The following PLOD2 variants were observed in gnomAD, a reference collection of about 807,000 sequenced individuals.
PLOD2 encodes the protein lysine hydroxylase 2.
PLOD2 carries 65 observed loss-of-function variants against 101.0 expected under a neutral mutation model. The ratio of observed to expected loss-of-function variants is 0.64; its 90% CI spans 0.53 to 0.79. The LOEUF is 0.79. Ranked by LOEUF, PLOD2 falls within the 30% of genes least tolerant of loss-of-function variation. The pLI, the probability that PLOD2 is intolerant of heterozygous loss-of-function variation, is 0.00. For synonymous variants in PLOD2, 314 were observed against 302.9 expected (o/e 1.04, Z -0.38); for missense variants, 909 against 914.6 (o/e 0.99, Z 0.08).
chr3:146,128,880 CTTTTTTTTTTT>C (rs3975816), intron 1 of PLOD2, among the ~76,000 whole-genome samples: 3 of 73,180 alleles, frequency 4.1e-5, no homozygotes, highest in African/African-American at 5.4e-5. Context: ...ATCTGAAATC[CTTTTTTTTTTT>C]TTTTTTTTTT....
At chr3:146,079,403 T>C in intron 12 of PLOD2, 146 bp from the exon 13 acceptor site, 1 of 649,116 alleles carries the variant, frequency 1.5e-6, no homozygotes, top group Non-Finnish European at 2.7e-6. Context: ...CAATGATATA[T>C]ATATAAGATT....
chr3:146,114,370 C>G (rs1162212279), intron 3 of PLOD2, among the ~76,000 whole-genome samples: 1 of 152,042 alleles, frequency 6.6e-6, no homozygotes, highest in Non-Finnish European at 1.5e-5. Flanking sequence ...TCAGGTATTT[C>G]TTATAGCAGC....
At chr3:146,094,134 T>C (rs1450789363) in intron 7 of PLOD2, among the ~76,000 whole-genome samples, 2 of 152,200 alleles carry the variant, frequency 1.3e-5, no homozygotes, top group African/African-American at 4.8e-5. Context: ...TAGGTGATAG[T>C]ATTTTCCTGA....
chr3:146,117,843 G>A (rs1021378177), intron 3 of PLOD2, among the ~76,000 whole-genome samples: 1 of 151,908 alleles, frequency 6.6e-6, no homozygotes, highest in Non-Finnish European at 1.5e-5. Context: ...ACCTCAAGCA[G>A]GCTTTAGGTA....
At chr3:146,137,116 T>C (rs1402448956) in intron 1 of PLOD2, among the ~76,000 whole-genome samples, 1 of 152,170 alleles carries the variant, frequency 6.6e-6, no homozygotes, top group African/African-American at 2.4e-5. Flanking sequence ...CAACTATGAT[T>C]CCAAGATGAC....
chr3:146,082,960 G>A (rs1312354598), intron 11 of PLOD2, among the ~76,000 whole-genome samples: 7 of 152,066 alleles, frequency 4.6e-5, no homozygotes, highest in South Asian at 2.1e-4. Flanking sequence ...TTATTCTTCC[G>A]AATTCCTACT....
At chr3:146,093,327 A>G (rs1483241736) in intron 7 of PLOD2, among the ~76,000 whole-genome samples, 1 of 152,230 alleles carries the variant, frequency 6.6e-6, no homozygotes, top group Admixed American at 6.5e-5. Context: ...CAAGTAAGCC[A>G]TTCACATTTC....
intron 1 of PLOD2, among the ~76,000 whole-genome samples, chr3:146,157,892 G>C (rs1003986761): frequency 6.6e-6 from 1 of 152,182 alleles, no homozygotes; most frequent in African/African-American, 2.4e-5. Flanking sequence ...TTGCTGGTTT[G>C]CATCAGTAGA....
At position 146,071,044 on chromosome 3, in the gene PLOD2, G is replaced by T. The variant is rs1371624754; in HGVS notation, c.2119C>A (p.Gln707Lys). ...IALNNVGEDF[Q>K]GGGCKFLRYN... ...AAAAACACAAGAGTCATAATTACCT[G>T]AAAGTCTTCTCCCACGTTATTAAGT... The change falls in exon 19 of 20, where the codon CAG (glutamine) becomes AAG (lysine). Residue 707 changes from glutamine to lysine, a missense_variant and splice_region_variant. Coordinates refer to ENST00000282903, the MANE Select transcript of PLOD2 (RefSeq NM_182943.3). The T allele has an allele frequency of 6.2e-7, 1 of 1,605,476 alleles. No homozygotes were observed. The highest frequency in any genetic ancestry group is 1.1e-5 in the South Asian group (1 of 90,750).
chr3:146,127,405 C>T (rs1475928055), intron 1 of PLOD2, among the ~76,000 whole-genome samples: 1 of 152,060 alleles, frequency 6.6e-6, no homozygotes, highest in African/African-American at 2.4e-5. Flanking sequence ...GTTTAGCTCC[C>T]ACTTATAAGC....
chr3:146,084,676 A>C (rs769766844), intron 11 of PLOD2, among the ~76,000 whole-genome samples: 4 of 152,110 alleles, frequency 2.6e-5, no homozygotes, highest in Non-Finnish European at 5.9e-5. Flanking sequence ...TTCCCATTTC[A>C]ATTGAGTTAA....
Position 146,121,361 on chromosome 3 carries a change from A to G in PLOD2, c.202-113T>C, listed in dbSNP as rs1043058853. 9 of 856,034 alleles carry G rather than the reference A, an allele frequency of 1.1e-5. No homozygotes were observed. In the African/African-American group the frequency reaches 1.3e-4, roughly 13 times the overall value. The allele number at this position is 856,034 out of a possible 1,614,324, so 53.0% of individuals were successfully genotyped here. ...AGTACTGTACCGTAACCACTCTTCT[A>G]ATGTTTCATGGAATCATGATTCTAG... On this transcript the variant is annotated intron_variant, in intron 2 of 19. Transcript: ENST00000282903.
chr3:146,111,965 C>G (rs1937652105), intron 3 of PLOD2, among the ~76,000 whole-genome samples: 3 of 152,086 alleles, frequency 2.0e-5, no homozygotes, highest in Admixed American at 6.5e-5. Context: ...GAGTGATAAA[C>G]AGACCCTTTG....
intron 1 of PLOD2, among the ~76,000 whole-genome samples, chr3:146,133,270 C>T (rs2031031355): frequency 6.6e-6 from 1 of 152,124 alleles, no homozygotes; most frequent in South Asian, 2.1e-4. Context: ...GTTATAGCAA[C>T]AACTGATCAA....
chr3:146,116,328 T>C lies in PLOD2; in HGVS notation c.338+4784A>G, dbSNP rs539309058. Among the ~76,000 whole-genome samples, 5 of 151,742 alleles carry C rather than the reference T, an allele frequency of 3.3e-5. No individual in the cohort carries two copies. In the East Asian group the frequency reaches 9.7e-4, roughly 29 times the overall value. On this transcript the variant is annotated intron_variant, in intron 3 of 19. Transcript: ENST00000282903. The stretch of plus-strand genomic sequence containing the variant: ...ACCCAGTTGACTTTGCACAACAGAT[T>C]ATGATAAAATCACAATAAAATGATT...
intron 1 of PLOD2, among the ~76,000 whole-genome samples, chr3:146,152,334 C>T (rs1466238308): frequency 6.6e-6 from 1 of 151,990 alleles, no homozygotes; most frequent in Non-Finnish European, 1.5e-5. Context: ...GCAGGAGCAT[C>T]GCTTGAACCC....
rs188339895 is a variant in PLOD2, at chr3:146,093,312, A to C, written c.778-1411T>G. ...AATCTCTACAGCAAAATTAGAAGAC[A>C]TGGACAAGTAAGCCATTCACATTTC... On this transcript the variant is annotated intron_variant, in intron 7 of 19. Coordinates refer to ENST00000282903, the MANE Select transcript of PLOD2 (RefSeq NM_182943.3). Among the ~76,000 whole-genome samples, 361 of 152,344 alleles carry C rather than the reference A, an allele frequency of 2.4e-3. 2 individuals carry two copies. The highest frequency in any genetic ancestry group is 8.3e-3 in the African/African-American group (346 of 41,576).
intron 1 of PLOD2, among the ~76,000 whole-genome samples, chr3:146,146,944 TTGTG>T (rs1559872358): frequency 6.6e-6 from 1 of 152,154 alleles, no homozygotes; most frequent in Admixed American, 6.6e-5. Flanking sequence ...ATCTTGTTAG[TTGTG>T]ACTAGGGCAA....
intron 1 of PLOD2, among the ~76,000 whole-genome samples, chr3:146,133,417 CA>C (rs532725943): frequency 6.6e-6 from 1 of 151,886 alleles, no homozygotes; most frequent in Admixed American, 6.6e-5. Context: ...CCAATCTGTA[CA>C]AAAAAACACT....
Sources: allele counts gnomAD v4.1 joint callset (sites outside exome capture counted in the v4.1 genomes callset), GRCh38; gene constraint gnomAD v4.1.1; transcripts MANE v1.5; gene names NCBI Gene and HGNC (gene_info 2026-07-23, HGNC 2026-07-21).